LRRTM4: variants seen among roughly 807,000 people sequenced by gnomAD.
LRRTM4 encodes leucine-rich repeat transmembrane neuronal protein 4.
Under a neutral mutation model 47.6 loss-of-function variants are expected in LRRTM4, and 25 were observed. The observed-to-expected ratio is 0.53, with a 90% CI of 0.38 to 0.73. The LOEUF is 0.73. LRRTM4 is among the 30% of genes least tolerant of loss of function. LRRTM4 has a pLI of 0.00. For missense variants in LRRTM4, 638 were observed against 713.4 expected (o/e 0.89, Z 1.20); for synonymous variants, 311 against 269.5 (o/e 1.15, Z -1.51).
At chr2:76,858,528 T>C (rs894436121) in intron 3 of LRRTM4, among the ~76,000 whole-genome samples, 1 of 152,140 alleles carries the variant, frequency 6.6e-6, no homozygotes, top group Non-Finnish European at 1.5e-5. Context: ...TTTGTTTCTA[T>C]GGGGAACTGA....
At chr2:77,343,351 A>AG (rs1435867215) in intron 3 of LRRTM4, among the ~76,000 whole-genome samples, 1 of 152,000 alleles carries the variant, frequency 6.6e-6, no homozygotes, top group Non-Finnish European at 1.5e-5. Context: ...CACAGAAAAC[A>AG]GAACAAATTT....
chr2:77,105,968 T>A (rs1429361493), intron 3 of LRRTM4, among the ~76,000 whole-genome samples: 4 of 152,188 alleles, frequency 2.6e-5, no homozygotes, highest in African/African-American at 9.7e-5. Context: ...ACTTTCTCCA[T>A]GAAATTCACC....
chr2:77,386,574 A>T (rs1324196299), intron 3 of LRRTM4, among the ~76,000 whole-genome samples: 1 of 152,134 alleles, frequency 6.6e-6, no homozygotes, highest in African/African-American at 2.4e-5. Context: ...ATAAACATAC[A>T]TGTGCATGTG....
At chr2:76,876,273 C>G (rs1573243414) in intron 3 of LRRTM4, among the ~76,000 whole-genome samples, 1 of 152,158 alleles carries the variant, frequency 6.6e-6, no homozygotes, top group African/African-American at 2.4e-5. Flanking sequence ...TTAAAAGATA[C>G]TCATAATAGG....
chr2:77,008,350 A>C (rs1016296815), intron 3 of LRRTM4, among the ~76,000 whole-genome samples: 1 of 152,170 alleles, frequency 6.6e-6, no homozygotes, highest in Non-Finnish European at 1.5e-5. Context: ...TTTTAAATAA[A>C]TTCAAGCCAA....
At chr2:77,251,107 G>GAA (rs199891336) in intron 3 of LRRTM4, among the ~76,000 whole-genome samples, 3 of 145,656 alleles carry the variant, frequency 2.1e-5, no homozygotes, top group African/African-American at 7.6e-5. Flanking sequence ...CTGTCTTCAA[G>GAA]AAAAAAAATA....
chr2:77,482,333 T>C (rs1311899206), intron 3 of LRRTM4, among the ~76,000 whole-genome samples: 1 of 152,128 alleles, frequency 6.6e-6, no homozygotes, highest in East Asian at 1.9e-4. Context: ...CATGAGATTT[T>C]TGAGACTTCA....
intron 3 of LRRTM4, among the ~76,000 whole-genome samples, chr2:77,347,667 A>G (rs1671617711): frequency 6.6e-6 from 1 of 152,128 alleles, no homozygotes; most frequent in East Asian, 1.9e-4. Context: ...TTAAAAATAT[A>G]CAAGTCTTCA....
chr2:77,206,823 C>G (rs1452171928), intron 3 of LRRTM4, among the ~76,000 whole-genome samples: 1 of 152,036 alleles, frequency 6.6e-6, no homozygotes. Context: ...CTCTATTCTC[C>G]AAAATCCTCT....
At position 77,339,712 on chromosome 2, in the gene LRRTM4, A is replaced by G. The variant is rs185092866; in HGVS notation, c.1551+178606T>C. 3.3e-3 allele frequency among the ~76,000 whole-genome samples: 509 copies of G among 152,126 alleles called. 3 individuals are homozygous for G. Among genetic ancestry groups the G allele is most frequent in the African/African-American group, 0.012 (486 of 41,538 alleles). On this transcript the variant is annotated intron_variant, in intron 3 of 3. Transcript: ENST00000409884. ...AATGTAATATGCATCAAAGGCAGAT[A>G]TATGAAGAAAAGATGGAAGGTAAGA...
chr2:77,275,297 A>G (rs1676314103), intron 3 of LRRTM4, among the ~76,000 whole-genome samples: 1 of 152,090 alleles, frequency 6.6e-6, no homozygotes, highest in African/African-American at 2.4e-5. Context: ...CTATAAGACA[A>G]GGTTGGTGGT....
At chr2:77,154,969 T>C (rs1157617860) in intron 3 of LRRTM4, among the ~76,000 whole-genome samples, 1 of 152,172 alleles carries the variant, frequency 6.6e-6, no homozygotes. Context: ...AGATATGATT[T>C]GTACCGGCCC....
chr2:77,048,045 A>C lies in LRRTM4; in HGVS notation c.1552-299129T>G, dbSNP rs554252873. 3.3e-5 allele frequency among the ~76,000 whole-genome samples: 5 copies of C among 152,204 alleles called. No individual in the cohort carries two copies. In the South Asian group the frequency reaches 8.3e-4, roughly 25 times the overall value. ...GCAAAGACATTTTGATACAAAACAT[A>C]TCTCTCGATTATCTCATCTTATATT... On this transcript the variant is annotated intron_variant, in intron 3 of 3. Transcript: ENST00000409884.
chr2:77,049,151 T>C lies in LRRTM4; in HGVS notation c.1552-300235A>G, dbSNP rs558618865. Among the ~76,000 whole-genome samples, 256 of 134,036 alleles carry C rather than the reference T, an allele frequency of 1.9e-3. 2 individuals carry two copies. The highest frequency in any genetic ancestry group is 6.6e-3 in the African/African-American group (220 of 33,434). 87.9% of individuals were successfully genotyped at this position (134,036 alleles called of 152,430 possible). On this transcript the variant is annotated intron_variant, in intron 3 of 3. Transcript: ENST00000409884. ...ATATATATATATATATATATATATA[T>C]ATATATACACACACACACACACCAC...
intron 3 of LRRTM4, among the ~76,000 whole-genome samples, chr2:76,797,911 G>C (rs542392125): frequency 4.6e-5 from 7 of 151,362 alleles, no homozygotes; most frequent in African/African-American, 1.7e-4. Flanking sequence ...AACAAGAAGA[G>C]CTAACTATCC....
chr2:77,364,615 T>C (rs893200229), intron 3 of LRRTM4, among the ~76,000 whole-genome samples: 8 of 152,064 alleles, frequency 5.3e-5, no homozygotes, highest in Non-Finnish European at 1.0e-4. Flanking sequence ...CCTTTTGCTA[T>C]ACCCTCCATC....
At chr2:76,750,131 C>G (rs1672802329) in intron 3 of LRRTM4, among the ~76,000 whole-genome samples, 1 of 152,218 alleles carries the variant, frequency 6.6e-6, no homozygotes, top group Non-Finnish European at 1.5e-5. Context: ...GTTTCTTCCT[C>G]CTCCAGGAAT....
chr2:77,428,070 A>G (rs1675196032), intron 3 of LRRTM4, among the ~76,000 whole-genome samples: 1 of 152,168 alleles, frequency 6.6e-6, no homozygotes, highest in Non-Finnish European at 1.5e-5. Context: ...TGGTTTTACA[A>G]GGGGTTTTCC....
At chr2:77,218,923 A>C (rs1674538756) in intron 3 of LRRTM4, among the ~76,000 whole-genome samples, 1 of 152,228 alleles carries the variant, frequency 6.6e-6, no homozygotes. Context: ...CTCAAAGTAA[A>C]ATGAGGTAGA....
Sources: gnomAD v4.1 joint callset for allele counts (sites outside exome capture counted in the v4.1 genomes callset) on GRCh38, gnomAD v4.1.1 for gene constraint, MANE v1.5 for transcripts, NCBI Gene and HGNC (gene_info 2026-07-23, HGNC 2026-07-21) for gene names.